The following EXOC6B variants were observed in gnomAD, a reference collection of about 807,000 sequenced individuals.
EXOC6B encodes the protein SEC15 homolog B.
In EXOC6B, 54 loss-of-function variants were observed where a neutral mutation model predicts 113.5. The ratio of observed to expected loss-of-function variants is 0.48; its 90% CI spans 0.38 to 0.60. EXOC6B has a LOEUF of 0.60. EXOC6B is among the 20% of genes least tolerant of loss of function. The pLI is 0.00. For synonymous variants in EXOC6B, 357 were observed against 339.0 expected (o/e 1.05, Z -0.58); for missense variants, 797 against 977.5 (o/e 0.82, Z 2.46).
chr2:72,287,262 T>C (rs1685492316), intron 20 of EXOC6B, among the ~76,000 whole-genome samples: 1 of 151,558 alleles, frequency 6.6e-6, no homozygotes, highest in Non-Finnish European at 1.5e-5. Context: ...ACCCCGTCTC[T>C]ACTAAAAATA....
intron 6 of EXOC6B, among the ~76,000 whole-genome samples, chr2:72,699,909 C>A (rs1029042952): frequency 2.6e-5 from 4 of 152,108 alleles, no homozygotes; most frequent in Admixed American, 6.5e-5. Flanking sequence ...CCCTCAGTAT[C>A]CACAAGAGAT....
At chr2:72,694,853 T>C (rs1677754252) in intron 6 of EXOC6B, among the ~76,000 whole-genome samples, 1 of 152,248 alleles carries the variant, frequency 6.6e-6, no homozygotes, top group African/African-American at 2.4e-5. Flanking sequence ...ATTTGGCAGA[T>C]GCAGTTGTGG....
chr2:72,723,329 G>A lies in EXOC6B; in HGVS notation c.465-5022C>T, dbSNP rs562577944. 1.1e-4 allele frequency among the ~76,000 whole-genome samples: 16 copies of A among 152,268 alleles called. No individual in the cohort carries two copies. In the East Asian group the frequency reaches 3.1e-3, roughly 29 times the overall value. ...AGAAAATAAAAGCAGAGAATAAAAG[G>A]GAGGAAGGCAGGGAAAGAGGTTCTA... On this transcript the variant is annotated intron_variant, in intron 5 of 21. Coordinates refer to ENST00000272427, the MANE Select transcript of EXOC6B (RefSeq NM_015189.3).
chr2:72,530,329 C>A (rs1408382707), intron 8 of EXOC6B, among the ~76,000 whole-genome samples: 1 of 152,150 alleles, frequency 6.6e-6, no homozygotes, highest in Non-Finnish European at 1.5e-5. Flanking sequence ...GTTCAATATA[C>A]AATTTTATTT....
intron 20 of EXOC6B, among the ~76,000 whole-genome samples, chr2:72,190,881 T>C (rs1395145864): frequency 6.6e-6 from 1 of 152,198 alleles, no homozygotes; most frequent in Non-Finnish European, 1.5e-5. Context: ...TTTTGGAGCA[T>C]TTCATGTTAA....
chr2:72,342,518 A>G (rs1344757734), intron 19 of EXOC6B, among the ~76,000 whole-genome samples: 1 of 152,218 alleles, frequency 6.6e-6, no homozygotes, highest in Non-Finnish European at 1.5e-5. Flanking sequence ...GATGGCTATC[A>G]TCAAAAATAC....
chr2:72,256,790 A>G (rs10205108), intron 20 of EXOC6B, among the ~76,000 whole-genome samples: 57,109 of 152,102 alleles, frequency 0.38, 13,730 homozygotes, highest in African/African-American at 0.68. Context: ...TGGGAATCAC[A>G]GAGCTAGATG....
intron 15 of EXOC6B, 93 bp from the exon 16 acceptor site, chr2:72,492,522 AAAT>A: frequency 1.5e-6 from 1 of 678,888 alleles, no homozygotes; most frequent in South Asian, 1.9e-5. Flanking sequence ...AATAATAATA[AAAT>A]AATAATAGCA....
intron 20 of EXOC6B, among the ~76,000 whole-genome samples, chr2:72,229,451 A>T (rs1428375983): frequency 6.6e-6 from 1 of 152,182 alleles, no homozygotes; most frequent in Non-Finnish European, 1.5e-5. Context: ...CTTTATGACA[A>T]CAGGACAAGT....
intron 19 of EXOC6B, among the ~76,000 whole-genome samples, chr2:72,341,483 A>G (rs1431145486): frequency 6.6e-6 from 1 of 152,198 alleles, no homozygotes; most frequent in Non-Finnish European, 1.5e-5. Flanking sequence ...ATCAGACAAA[A>G]TACACACTTT....
At chr2:72,805,973 T>C (rs1359950366) in intron 1 of EXOC6B, among the ~76,000 whole-genome samples, 1 of 152,218 alleles carries the variant, frequency 6.6e-6, no homozygotes, top group Non-Finnish European at 1.5e-5. Flanking sequence ...CCTTCTTTCA[T>C]AAGGCTCAAT....
chr2:72,425,174 T>G (rs1287645112), intron 18 of EXOC6B, among the ~76,000 whole-genome samples: 2 of 152,242 alleles, frequency 1.3e-5, no homozygotes, highest in Non-Finnish European at 2.9e-5. Flanking sequence ...CTGTTTGTTT[T>G]ATATCTTTTG....
At chr2:72,685,962 GT>G in intron 6 of EXOC6B, among the ~76,000 whole-genome samples, 1 of 152,286 alleles carries the variant, frequency 6.6e-6, no homozygotes, top group South Asian at 2.1e-4. Flanking sequence ...TTATTTATAT[GT>G]GACAAAGCCT....
intron 19 of EXOC6B, among the ~76,000 whole-genome samples, chr2:72,367,419 C>T (rs613880): frequency 0.11 from 16,354 of 151,746 alleles, 915 homozygotes; most frequent in African/African-American, 0.14. Context: ...AGATTTAAGC[C>T]CAATCATACT....
rs1165707119 is a variant in EXOC6B at position 72,823,478 on chromosome 2, A to C, written c.113+2320T>G. 7.7e-4 allele frequency among the ~76,000 whole-genome samples: 83 copies of C among 107,354 alleles called. 1 individual carries two copies. Among genetic ancestry groups the C allele is most frequent in the African/African-American group, 1.8e-3 (39 of 21,564 alleles). 70.4% of individuals were successfully genotyped at this position (107,354 alleles called of 152,430 possible). On this transcript the variant is annotated intron_variant, in intron 1 of 21. Coordinates refer to ENST00000272427, the MANE Select transcript of EXOC6B (RefSeq NM_015189.3). The stretch of plus-strand genomic sequence containing the variant: ...TTTTAAGAAAAAAAAAAAAAAAAAA[A>C]CAAAAAACAAAAAAAAAGACAGTGG...
chr2:72,492,940 A>AT (rs937879204), intron 15 of EXOC6B, among the ~76,000 whole-genome samples: 8 of 151,934 alleles, frequency 5.3e-5, no homozygotes, highest in African/African-American at 4.8e-5. Context: ...GCCTTTCATT[A>AT]TTTTTTTGAA....
chr2:72,443,762 G>C (rs979545954), intron 18 of EXOC6B, among the ~76,000 whole-genome samples: 1 of 152,024 alleles, frequency 6.6e-6, no homozygotes, highest in Non-Finnish European at 1.5e-5. Flanking sequence ...TCATTACCAC[G>C]AGAACAGTGT....
At chr2:72,239,251 G>A (rs1682157242) in intron 20 of EXOC6B, among the ~76,000 whole-genome samples, 1 of 152,154 alleles carries the variant, frequency 6.6e-6, no homozygotes, top group Non-Finnish European at 1.5e-5. Context: ...TGTTTATACG[G>A]TGTTGCCTAA....
chr2:72,612,217 G>A (rs1375808001), intron 6 of EXOC6B, among the ~76,000 whole-genome samples: 2 of 152,184 alleles, frequency 1.3e-5, no homozygotes, highest in East Asian at 1.9e-4. Context: ...AGAGGTTGCA[G>A]TGAGCTGAGA....
Sources: allele counts gnomAD v4.1 joint callset (sites outside exome capture counted in the v4.1 genomes callset), GRCh38; gene constraint gnomAD v4.1.1; transcripts MANE v1.5; gene names NCBI Gene and HGNC (gene_info 2026-07-23, HGNC 2026-07-21).